The following PHF24 variants were observed in gnomAD, a reference collection of about 807,000 sequenced individuals.
PHF24 encodes the protein Galpha inhibitory interacting protein.
In PHF24, 25 loss-of-function variants were observed where a neutral mutation model predicts 42.6. That is an observed-to-expected ratio of 0.59 (90% CI 0.43 to 0.82). PHF24 has a LOEUF of 0.82. Among genes scored for constraint, PHF24 ranks in the 40% least tolerant of loss-of-function variants. The probability of loss-of-function intolerance (pLI) is 0.00; values close to 1 mark genes in which losing one functional copy is unlikely to be tolerated. For missense variants in PHF24, 470 were observed against 538.1 expected, an observed-to-expected ratio of 0.87 and a Z score of 1.25; for synonymous variants, 185 against 204.8, an observed-to-expected ratio of 0.90 and a Z score of 0.83.
the PHF24 span, among the ~76,000 whole-genome samples, chr9:34,936,929 G>C: frequency 6.7e-6 from 1 of 149,048 alleles, no homozygotes; most frequent in Non-Finnish European, 1.5e-5. Context: ...CCCCGTCTGG[G>C]AAGTGAGGAG....
chr9:34,698,207 T>A, the PHF24 span, among the ~76,000 whole-genome samples: 1 of 151,602 alleles, frequency 6.6e-6, no homozygotes, highest in Non-Finnish European at 1.5e-5. Flanking sequence ...TTCCCAGAAC[T>A]GAATCCTCTT....
the PHF24 span, among the ~76,000 whole-genome samples, chr9:34,909,653 G>A: frequency 3.4e-5 from 5 of 148,124 alleles, no homozygotes; most frequent in South Asian, 8.5e-4. Flanking sequence ...ACGGAGTCTC[G>A]CTCTGTCGCC....
chr9:34,841,266 T>A, the PHF24 span, among the ~76,000 whole-genome samples: 2 of 152,200 alleles, frequency 1.3e-5, no homozygotes, highest in African/African-American at 4.8e-5. Flanking sequence ...CCCAAAGTGC[T>A]GGGATTGCAG....
the PHF24 span, among the ~76,000 whole-genome samples, chr9:34,906,491 A>C: frequency 6.6e-6 from 1 of 152,076 alleles, no homozygotes; most frequent in Non-Finnish European, 1.5e-5. Flanking sequence ...GTGCTTTGAC[A>C]TGGTGCTTCC....
the PHF24 span, among the ~76,000 whole-genome samples, chr9:34,948,025 C>T: frequency 6.0e-5 from 9 of 151,168 alleles, no homozygotes; most frequent in African/African-American, 1.7e-4. Context: ...AGGAGAATGG[C>T]GTGAACCCGG....
chr9:34,936,524 C>A, the PHF24 span, among the ~76,000 whole-genome samples: 1 of 151,838 alleles, frequency 6.6e-6, no homozygotes, highest in African/African-American at 2.4e-5. Context: ...CTCTGCCTGG[C>A]CGCCCATCGT....
chr9:34,836,075 C>A, the PHF24 span: 1 of 560,648 alleles, frequency 1.8e-6, no homozygotes, highest in Non-Finnish European at 3.5e-6. Context: ...ACATGGCAAA[C>A]ATTAATGATG....
the PHF24 span, among the ~76,000 whole-genome samples, chr9:34,927,411 C>G: frequency 6.6e-6 from 1 of 152,028 alleles, no homozygotes; most frequent in Non-Finnish European, 1.5e-5. Flanking sequence ...TGGCATTATG[C>G]TGCAGCAGCT....
the PHF24 span, among the ~76,000 whole-genome samples, chr9:34,728,878 A>G: frequency 6.6e-6 from 1 of 152,174 alleles, no homozygotes; most frequent in Admixed American, 6.5e-5. Context: ...TATACCTCCC[A>G]TCTGATTCAC....
At chr9:34,848,646 T>C in the PHF24 span, among the ~76,000 whole-genome samples, 1 of 151,604 alleles carries the variant, frequency 6.6e-6, no homozygotes, top group African/African-American at 2.4e-5. Flanking sequence ...CTGCTAGCTT[T>C]TGAATGTGTT....
the PHF24 span, among the ~76,000 whole-genome samples, chr9:34,703,986 G>T: frequency 1.3e-5 from 2 of 152,050 alleles, no homozygotes; most frequent in African/African-American, 4.8e-5. Context: ...CCAAAGTGCT[G>T]GGATTATAGG....
At chr9:34,709,417 A>G in the PHF24 span, 3 of 1,610,126 alleles carry the variant, frequency 1.9e-6, no homozygotes, top group Non-Finnish European at 2.5e-6. Context: ...GGGGTCTGTG[A>G]CCGCTCAGTC....
chr9:34,692,621 G>A, the PHF24 span, among the ~76,000 whole-genome samples: 1 of 152,102 alleles, frequency 6.6e-6, no homozygotes, highest in African/African-American at 2.4e-5. Flanking sequence ...TACTAACTGC[G>A]ACAAGGTGAA....
At chr9:34,960,174 G>A (rs556134815) in intron 1 of PHF24, among the ~76,000 whole-genome samples, 44 of 152,318 alleles carry the variant, frequency 2.9e-4, no homozygotes, top group African/African-American at 1.1e-3. Flanking sequence ...TCCAAAAACG[G>A]AGTGGTGAGA....
At chr9:34,948,232 G>T in the PHF24 span, among the ~76,000 whole-genome samples, 1 of 151,824 alleles carries the variant, frequency 6.6e-6, no homozygotes, top group Non-Finnish European at 1.5e-5. Context: ...CAAGAGTAAA[G>T]AAGTTTTTTA....
chr9:34,851,182 T>C, the PHF24 span, among the ~76,000 whole-genome samples: 1 of 152,184 alleles, frequency 6.6e-6, no homozygotes, highest in Admixed American at 6.5e-5. Context: ...TCTTTTTGTT[T>C]GTCTGTGCCC....
intron 3 of PHF24, among the ~76,000 whole-genome samples, chr9:34,974,002 C>T (rs762934666): frequency 6.6e-6 from 1 of 152,068 alleles, no homozygotes; most frequent in South Asian, 2.1e-4. Context: ...AACAAATCTT[C>T]TTCTTCTTTT....
chr9:34,954,453 C>T (rs1224420098), upstream of PHF24, among the ~76,000 whole-genome samples: 2 of 152,158 alleles, frequency 1.3e-5, no homozygotes. Flanking sequence ...AAGCCATTCA[C>T]AACAAAGGGG....
chr9:34,761,851 C>T, the PHF24 span, among the ~76,000 whole-genome samples: 23 of 152,322 alleles, frequency 1.5e-4, no homozygotes, highest in African/African-American at 5.5e-4. Context: ...CCCCACTCCC[C>T]CTACCCCACA....
Sources: gnomAD v4.1 joint callset for allele counts (sites outside exome capture counted in the v4.1 genomes callset) on GRCh38, gnomAD v4.1.1 for gene constraint, MANE v1.5 for transcripts, NCBI Gene and HGNC (gene_info 2026-07-23, HGNC 2026-07-21) for gene names.